The following PDIA6 variants were observed in gnomAD, a reference collection of about 807,000 sequenced individuals.
PDIA6 encodes the protein protein disulfide isomerase family A member 6.
In PDIA6, 29 loss-of-function variants were observed where a neutral mutation model predicts 58.4. The ratio of observed to expected loss-of-function variants is 0.50; its 90% CI spans 0.37 to 0.68. The LOEUF is 0.68. Among genes scored for constraint, PDIA6 ranks in the 30% least tolerant of loss-of-function variants. PDIA6 has a pLI of 0.00. For synonymous variants in PDIA6, 192 were observed against 202.6 expected, an observed-to-expected ratio of 0.95 and a Z score of 0.44; for missense variants, 480 against 551.0, an observed-to-expected ratio of 0.87 and a Z score of 1.29.
intron 2 of PDIA6, among the ~76,000 whole-genome samples, chr2:10,799,522 C>G (rs926965677): frequency 2.6e-5 from 4 of 152,302 alleles, no homozygotes; most frequent in Non-Finnish European, 5.9e-5. Context: ...TACAATCATA[C>G]AGGTAGAAGT....
At chr2:10,792,631 C>G (rs530495972) in intron 5 of PDIA6, among the ~76,000 whole-genome samples, 23 of 152,318 alleles carry the variant, frequency 1.5e-4, no homozygotes, top group African/African-American at 5.3e-4. Flanking sequence ...ATAAGGGCAT[C>G]TAAAACACCA....
intron 7 of PDIA6, among the ~76,000 whole-genome samples, chr2:10,790,102 CTGAG>C (rs1210414102): frequency 6.6e-6 from 1 of 151,912 alleles, no homozygotes; most frequent in Non-Finnish European, 1.5e-5. Context: ...CTTCAGCCTC[CTGAG>C]TAGCTGGGAC....
intron 1 of PDIA6, among the ~76,000 whole-genome samples, chr2:10,822,028 C>T (rs1667411578): frequency 6.6e-6 from 1 of 152,020 alleles, no homozygotes; most frequent in Non-Finnish European, 1.5e-5. Flanking sequence ...CAGCCTCAAC[C>T]TCCTGGGCTC....
Position 10,788,905 on chromosome 2 carries a change from A to G in PDIA6, c.917T>C (p.Leu306Pro). 1 of 1,613,082 alleles carries G rather than the reference A, an allele frequency of 6.2e-7. No homozygotes were observed. The highest frequency in any genetic ancestry group is 8.5e-7 in the Non-Finnish European group (1 of 1,178,990). The part of the protein sequence containing the change: ...LCVVAVLPHI[L>P]DTGAAGRNSY... ...ATTTCCGTCTGTCTTACCAGTATCA[A>G]GGATATGGGGCAGCACAGCCACAAC... The change falls in exon 9 of 13, where the codon CTT (leucine) becomes CCT (proline). Residue 306 changes from leucine (L) to proline (P), a missense_variant. Transcript: ENST00000272227.
chr2:10,814,181 C>T (rs1667119309), upstream of PDIA6, among the ~76,000 whole-genome samples: 1 of 152,078 alleles, frequency 6.6e-6, no homozygotes, highest in African/African-American at 2.4e-5. Context: ...GGCAGGGGTC[C>T]AGGAGTGGTG....
chr2:10,808,363 G>A (rs150723849), intron 1 of PDIA6, among the ~76,000 whole-genome samples: 33 of 152,304 alleles, frequency 2.2e-4, no homozygotes, highest in African/African-American at 7.7e-4. Context: ...TGGCAGTTGT[G>A]GTGGAGTGAA....
rs150931126 is a variant in PDIA6, at chr2:10,825,893, G to A, written c.-48+6309C>T. ...CCGGCTTTTGGGAATGTAAAATGGTGCAACCACTTTAGAGAACAGTCCAAC... is the reference window on the plus strand; with the variant it reads ...CCGGCTTTTGGGAATGTAAAATGGTACAACCACTTTAGAGAACAGTCCAAC... On this transcript the variant is annotated intron_variant, in intron 1 of 13. Coordinates refer to the PDIA6 transcript ENST00000381611. 2.0e-3 allele frequency among the ~76,000 whole-genome samples: 298 copies of A among 152,322 alleles called. 2 individuals carry two copies. The South Asian group carries it at 0.022, about 11-fold the overall frequency.
chr2:10,785,570 CAT>C (rs1222832960), intron 11 of PDIA6, among the ~76,000 whole-genome samples: 1 of 152,094 alleles, frequency 6.6e-6, no homozygotes, highest in African/African-American at 2.4e-5. Context: ...CCAAACAACT[CAT>C]AGAATAATAG....
At chr2:10,795,460 A>G (rs1026689485) in intron 4 of PDIA6, among the ~76,000 whole-genome samples, 4 of 148,606 alleles carry the variant, frequency 2.7e-5, no homozygotes, top group Admixed American at 6.9e-5. Context: ...TAGCAGAGAC[A>G]ACGTGTCCAA....
chr2:10,795,035 GA>G (rs1666209229), intron 4 of PDIA6, among the ~76,000 whole-genome samples: 2 of 152,186 alleles, frequency 1.3e-5, no homozygotes, highest in Admixed American at 1.3e-4. Flanking sequence ...TATGTCACTT[GA>G]TAACACAGAA....
intron 1 of PDIA6, among the ~76,000 whole-genome samples, chr2:10,820,302 G>A (rs1407660785): frequency 6.6e-6 from 1 of 152,176 alleles, no homozygotes; most frequent in Non-Finnish European, 1.5e-5. Flanking sequence ...GATCTACAGA[G>A]GGCATGAAAA....
chr2:10,806,458 TA>T (rs58826673), intron 1 of PDIA6, among the ~76,000 whole-genome samples: 5,060 of 141,948 alleles, frequency 0.036, 303 homozygotes, highest in African/African-American at 0.12. Context: ...GCCAAAAAGT[TA>T]AAAAAAAAAA....
At chr2:10,827,975 A>C (rs1394163594) in intron 1 of PDIA6, among the ~76,000 whole-genome samples, 1 of 152,014 alleles carries the variant, frequency 6.6e-6, no homozygotes, top group Non-Finnish European at 1.5e-5. Context: ...TTTTAGGTTT[A>C]CAGCAAAGTT....
chr2:10,820,066 T>G (rs546545135), intron 1 of PDIA6, among the ~76,000 whole-genome samples: 5 of 152,238 alleles, frequency 3.3e-5, no homozygotes, highest in Non-Finnish European at 7.3e-5. Context: ...GTTCTTGGCA[T>G]AGTGAAGTGG....
rs116748929 is a variant in PDIA6, at chr2:10,825,380, C to T, written c.-47-6026G>A. Among the ~76,000 whole-genome samples, 221 of 152,276 alleles carry T rather than the reference C, an allele frequency of 1.5e-3. 2 individuals carry two copies. Among genetic ancestry groups the T allele is most frequent in the African/African-American group, 5.0e-3 (207 of 41,544 alleles). ...ACGGTATCTTAAAATTCTTTTTCCA[C>T]AAAGCAGACTCTTATGGATTCTTGA... On this transcript the variant is annotated intron_variant, in intron 1 of 13. Coordinates refer to the PDIA6 transcript ENST00000381611.
At chr2:10,787,260 C>T (rs1229905784) in intron 11 of PDIA6, 21 bp downstream of exon 11, 2 of 1,609,656 alleles carry the variant, frequency 1.2e-6, no homozygotes, top group East Asian at 2.2e-5. Context: ...AAACAACAAA[C>T]AACCTAAGAA....
At chr2:10,803,358 T>C (rs571412587) in intron 1 of PDIA6, among the ~76,000 whole-genome samples, 45 of 152,350 alleles carry the variant, frequency 3.0e-4, no homozygotes, top group African/African-American at 1.1e-3. Flanking sequence ...GGTTTCTCCA[T>C]GTTGGTCAGG....
intron 1 of PDIA6, among the ~76,000 whole-genome samples, chr2:10,805,011 T>C (rs910186156): frequency 4.6e-5 from 7 of 151,900 alleles, no homozygotes; most frequent in Non-Finnish European, 1.0e-4. Context: ...TTTTTGTACA[T>C]TGATTTTGTA....
chr2:10,788,074 AAAAAAAG>A lies in PDIA6; in HGVS notation c.998+616_998+622del, dbSNP rs1215523957. On this transcript the variant is annotated intron_variant, in intron 10 of 12. Coordinates refer to ENST00000272227, the MANE Select transcript of PDIA6 (RefSeq NM_005742.4). The stretch of plus-strand genomic sequence containing the variant: ...GAGTGAGACTCTGTCTCAAAAAAAA[AAAAAAAG>A]GATAAAATAGGAAAGAGATACACTG... 1.3e-5 allele frequency among the ~76,000 whole-genome samples: 2 copies of A among 151,826 alleles called. 1 individual carries two copies. The highest frequency in any genetic ancestry group is 1.3e-4 in the Admixed American group (2 of 15,222).
Sources: allele counts gnomAD v4.1 joint callset (sites outside exome capture counted in the v4.1 genomes callset), GRCh38; gene constraint gnomAD v4.1.1; transcripts MANE v1.5; gene names NCBI Gene and HGNC (gene_info 2026-07-23, HGNC 2026-07-21).